Variants in ZNF880 observed in about 807,000 individuals in gnomAD.
ZNF880 encodes the protein zinc finger protein LOC400713.
ZNF880 carries 12 observed loss-of-function variants against 11.8 expected under a neutral mutation model. The observed-to-expected ratio is 1.02, with a 90% CI of 0.65 to 1.65. The LOEUF (loss-of-function observed/expected upper bound fraction) is 1.65. Among genes scored for constraint, ZNF880 ranks in the 40% most tolerant of loss-of-function variants. ZNF880 has a pLI of 0.00. For missense variants in ZNF880, 601 were observed against 673.9 expected (o/e 0.89, Z 1.20); for synonymous variants, 210 against 232.4 (o/e 0.90, Z 0.88).
rs79588580 is a variant in ZNF880 at position 52,374,424 on chromosome 19, G to A, written c.265G>A (p.Ala89Thr). 7,898 of 1,610,402 alleles carry A rather than the reference G, an allele frequency of 4.9e-3. 341 individuals are homozygous for A. The African/African-American group carries it at 0.092, about 19-fold the overall frequency. ...GGRECIKGVN[A>T]ESSSKLGSNA... ...CAGGGAGTGCATCAAAGGTGTGAACGCAGGTAAGAGCTTGGATGGCCAGAG... is the reference window on the plus strand; with the variant it reads ...CAGGGAGTGCATCAAAGGTGTGAACACAGGTAAGAGCTTGGATGGCCAGAG... Residue 89 changes from alanine to threonine, a missense_variant, in exon 3 of 4, where the codon GCA becomes ACA. Transcript: ENST00000422689.
Position 52,373,129 on chromosome 19 carries a change from G to A in ZNF880, c.31G>A (p.Asp11Asn). 1 of 1,613,270 alleles carries A rather than the reference G, an allele frequency of 6.2e-7. No individual in the cohort carries two copies. Among genetic ancestry groups the A allele is most frequent in the Non-Finnish European group, 8.5e-7 (1 of 1,179,526 alleles). The change falls in exon 2 of 4, where the codon GAC (aspartate) becomes AAC (asparagine). Residue 11 changes from aspartate to asparagine, a missense_variant. By Grantham distance (23) the Asp-to-Asn change is conservative (BLOSUM62 1). Transcript: ENST00000422689. ...ATTTTAGGGACACTTGGCATTCAGG[G>A]ACGTGGCCATAGAATTCCCTCAGGA... MLRRGHLAFR[D>N]VAIEFPQEEW... is the part of the protein sequence containing the mutation.
At chr19:52,368,872 C>G (rs747170518), upstream of ZNF880, among the ~76,000 whole-genome samples, 1 of 148,080 alleles carries the variant, frequency 6.8e-6, no homozygotes, top group Non-Finnish European at 1.5e-5. Flanking sequence ...GTCCCAGCTA[C>G]TTGGGAGGCT....
downstream of ZNF880, among the ~76,000 whole-genome samples, chr19:52,386,260 G>A (rs139627697): frequency 7.0e-6 from 1 of 143,212 alleles, no homozygotes; most frequent in Non-Finnish European, 1.5e-5. Flanking sequence ...AGTTTGCCGA[G>A]GAAGAAGGAC....
chr19:52,382,817 G>A (rs564406696), intron 3 of ZNF880, among the ~76,000 whole-genome samples: 4 of 152,190 alleles, frequency 2.6e-5, no homozygotes, highest in African/African-American at 9.6e-5. Flanking sequence ...TCTTGAATTT[G>A]TATATTTATT....
At chr19:52,395,829 A>C in the ZNF880 span, 1 of 152,174 alleles carries the variant, frequency 6.6e-6, no homozygotes, top group African/African-American at 2.4e-5. Context: ...TCCTCTCAGG[A>C]TGTTGCTTTT....
the ZNF880 span, among the ~76,000 whole-genome samples, chr19:52,393,867 T>G: frequency 1.2e-4 from 16 of 133,420 alleles, no homozygotes; most frequent in East Asian, 3.4e-3. Context: ...GACGGAGTCT[T>G]GCTCTGTCGC....
downstream of ZNF880, among the ~76,000 whole-genome samples, chr19:52,387,402 G>A (rs1986912760): frequency 3.5e-5 from 5 of 143,440 alleles, 1 homozygote; most frequent in South Asian, 1.1e-3. Flanking sequence ...GAAGACTCAT[G>A]GCATGCACCT....
At chr19:52,379,799 T>C (rs1199763017) in intron 3 of ZNF880, 1 of 157,550 alleles carries the variant, frequency 6.3e-6, no homozygotes, top group Non-Finnish European at 1.4e-5. Context: ...CTCTTTAAGC[T>C]GCTATCTTAG....
At chr19:52,390,291 G>A (rs761735828), downstream of ZNF880, 31 of 364,574 alleles carry the variant, frequency 8.5e-5, no homozygotes, top group South Asian at 3.4e-4. Context: ...CATCTGCTCC[G>A]CTCCCTCGTC....
chr19:52,394,551 T>C, the ZNF880 span, among the ~76,000 whole-genome samples: 2 of 152,332 alleles, frequency 1.3e-5, no homozygotes, highest in East Asian at 3.9e-4. Context: ...ATATACGATA[T>C]TTTTGTAGGT....
chr19:52,385,346 C>T lies in ZNF880; in HGVS notation c.*32C>T, dbSNP rs1445162664. The T allele has an allele frequency of 2.6e-6, 4 of 1,539,130 alleles. No individual in the cohort carries two copies. The Admixed American group carries it at 5.9e-5, about 23-fold the overall frequency. ...TGTGGTAAGATCTTTAGTAATAATTCACACCTTGCACAGCATGAGATAATT... is the reference window on the plus strand; with the variant it reads ...TGTGGTAAGATCTTTAGTAATAATTTACACCTTGCACAGCATGAGATAATT... On this transcript the variant is annotated 3_prime_UTR_variant, in exon 4 of 4. Coordinates refer to ENST00000422689, the MANE Select transcript of ZNF880 (RefSeq NM_001145434.2).
chr19:52,394,587 A>G, the ZNF880 span, among the ~76,000 whole-genome samples: 3 of 151,720 alleles, frequency 2.0e-5, no homozygotes, highest in South Asian at 6.2e-4. Context: ...CTACCTTTAC[A>G]TTTTTCTTGT....
At position 52,384,458 on chromosome 19, in the gene ZNF880, A is replaced by G; in HGVS notation, c.878A>G (p.Glu293Gly). The part of the protein sequence containing the change: ...LANHHRIHTG[E>G]KPYKCNECGK... Reference sequence around the variant, plus strand: ...AATCATCACAGAATCCACACTGGAGAGAAACCTTACAAATGTAATGAGTGT... The same window carrying G: ...AATCATCACAGAATCCACACTGGAGGGAAACCTTACAAATGTAATGAGTGT... The change falls in exon 4 of 4, where the codon GAG (glutamate) becomes GGG (glycine). Residue 293 changes from glutamate (E) to glycine (G), a missense_variant. Around this residue, in one of 3 missense-constraint regions of ZNF880, gnomAD observed 420 missense variants for 442.6 expected, o/e 0.95. Coordinates refer to ENST00000422689, the MANE Select transcript of ZNF880 (RefSeq NM_001145434.2). 1.2e-6 allele frequency: 2 copies of G among 1,614,242 alleles called. No homozygotes were observed. The highest frequency in any genetic ancestry group is 1.7e-6 in the Non-Finnish European group (2 of 1,180,046).
chr19:52,375,411 C>T (rs1986524253), intron 3 of ZNF880, among the ~76,000 whole-genome samples: 1 of 151,216 alleles, frequency 6.6e-6, no homozygotes, highest in Non-Finnish European at 1.5e-5. Flanking sequence ...AAGCTGGTCT[C>T]GAACTCCTGG....
chr19:52,374,279 T>G lies in ZNF880; in HGVS notation c.140-20T>G, dbSNP rs137950043. 3.9e-3 allele frequency: 6,196 copies of G among 1,606,116 alleles called. 114 individuals are homozygous for G. The East Asian group carries it at 0.06, about 16-fold the overall frequency. The stretch of plus-strand genomic sequence containing the variant: ...CGTGTTAGCCAGGATAGTCTTGATA[T>G]TCTTTCTTTTTTTAAATAGGAATCT... On this transcript the variant is annotated intron_variant, in intron 2 of 3. Transcript: ENST00000422689.
chr19:52,381,397 G>T (rs1986701348), intron 3 of ZNF880, among the ~76,000 whole-genome samples: 2 of 152,206 alleles, frequency 1.3e-5, no homozygotes, highest in Middle Eastern at 6.8e-3. Flanking sequence ...TATTAACACT[G>T]CTACCTGTAC....
chr19:52,385,910 C>T (rs1274159650), downstream of ZNF880: 2 of 144,812 alleles, frequency 1.4e-5, no homozygotes, highest in African/African-American at 5.4e-5. Flanking sequence ...CGCGGTGGCT[C>T]CCGCCTGTAA....
chr19:52,370,826 G>C (rs991361210), intron 1 of ZNF880, among the ~76,000 whole-genome samples: 5 of 152,210 alleles, frequency 3.3e-5, no homozygotes, highest in Non-Finnish European at 5.9e-5. Context: ...GTGCACGCTT[G>C]TCATTCGAGT....
At chr19:52,372,909 C>CA (rs201869014) in intron 1 of ZNF880, among the ~76,000 whole-genome samples, 1,295 of 69,582 alleles carry the variant, frequency 0.019, 41 homozygotes, top group African/African-American at 0.023. Flanking sequence ...GACTCCGTCT[C>CA]AAAAAAAAAA....
Sources: gnomAD v4.1 joint callset for allele counts (sites outside exome capture counted in the v4.1 genomes callset) on GRCh38, gnomAD v4.1.1 for gene constraint, gnomAD v4.1.1 regional missense constraint, MANE v1.5 for transcripts, NCBI Gene and HGNC (gene_info 2026-07-23, HGNC 2026-07-21) for gene names.